The following EVC2 variants were observed in gnomAD, a reference collection of about 807,000 sequenced individuals.
EVC2 encodes the protein EvC ciliary complex subunit 2.
EVC2 carries 148 observed loss-of-function variants against 149.3 expected under a neutral mutation model. That is an observed-to-expected ratio of 0.99 (90% CI 0.87 to 1.14). The LOEUF is 1.14. EVC2 is among the 50% of genes most tolerant of loss of function. The probability of loss-of-function intolerance (pLI) is 0.00; values close to 1 mark genes in which losing one functional copy is unlikely to be tolerated. For missense variants in EVC2, 1,854 were observed against 1,627.3 expected, an observed-to-expected ratio of 1.14 and a Z score of -2.40; for synonymous variants, 776 against 649.9, an observed-to-expected ratio of 1.19 and a Z score of -2.95.
chr4:5,619,872 A>T (rs1715553412), intron 14 of EVC2, among the ~76,000 whole-genome samples: 1 of 152,168 alleles, frequency 6.6e-6, no homozygotes, highest in Non-Finnish European at 1.5e-5. Context: ...TTAGCTGTAG[A>T]TGTGTTTGAA....
At position 5,572,598 on chromosome 4, in the gene EVC2, A is replaced by G. The variant is rs111780651; in HGVS notation, c.3360+2087T>C. Among the ~76,000 whole-genome samples the G allele has an allele frequency of 7.6e-3, 1,161 of 152,334 alleles. 14 individuals are homozygous for G. The highest frequency in any genetic ancestry group is 0.026 in the African/African-American group (1,075 of 41,572). On this transcript the variant is annotated intron_variant, in intron 19 of 21. Transcript: ENST00000344408. ...CAGGTACCTTGATTTCGGACTTCCCAGCCTCCAGAATTATGAGAAAATTGA... is the reference window on the plus strand; with the variant it reads ...CAGGTACCTTGATTTCGGACTTCCCGGCCTCCAGAATTATGAGAAAATTGA...
intron 7 of EVC2, among the ~76,000 whole-genome samples, chr4:5,678,158 GCT>G (rs1720116498): frequency 6.6e-6 from 1 of 152,180 alleles, no homozygotes; most frequent in Non-Finnish European, 1.5e-5. Flanking sequence ...GGTAAGAGTG[GCT>G]CTCTGTTTTC....
the EVC2 span, among the ~76,000 whole-genome samples, chr4:5,532,817 G>A: frequency 6.6e-6 from 1 of 151,898 alleles, no homozygotes; most frequent in African/African-American, 2.4e-5. Flanking sequence ...CTTGTCTTGG[G>A]TGGGAAGCCA....
intron 3 of EVC2, among the ~76,000 whole-genome samples, chr4:5,693,250 G>A (rs1375619848): frequency 1.3e-5 from 2 of 152,192 alleles, no homozygotes; most frequent in Non-Finnish European, 2.9e-5. Flanking sequence ...GTTCAGAGAT[G>A]AACCCCAAAG....
chr4:5,663,329 G>C, intron 8 of EVC2, 83 bp from the exon 9 acceptor site: 7 of 1,593,684 alleles, frequency 4.4e-6, no homozygotes, highest in Non-Finnish European at 6.0e-6. Flanking sequence ...GGAAGGCCAG[G>C]GGTCTGCAGT....
At chr4:5,709,234 A>C (rs992928640), upstream of EVC2, 10 of 152,132 alleles carry the variant, frequency 6.6e-5, no homozygotes, top group African/African-American at 2.2e-4. Flanking sequence ...CTCCGAGGGG[A>C]CAGGGATTTG....
chr4:5,626,974 C>G (rs1225200955), intron 12 of EVC2, among the ~76,000 whole-genome samples: 1 of 152,186 alleles, frequency 6.6e-6, no homozygotes, highest in African/African-American at 2.4e-5. Flanking sequence ...TGGGATTTCT[C>G]AACCTCCATA....
chr4:5,548,740 A>G (rs560783156), intron 21 of EVC2, among the ~76,000 whole-genome samples: 11 of 152,192 alleles, frequency 7.2e-5, no homozygotes, highest in Non-Finnish European at 1.3e-4. Flanking sequence ...GTGATTTCAG[A>G]TATCATTTTT....
the EVC2 span, among the ~76,000 whole-genome samples, chr4:5,536,483 A>G: frequency 1.3e-5 from 2 of 152,210 alleles, no homozygotes; most frequent in African/African-American, 4.8e-5. Flanking sequence ...AATTTAAATC[A>G]CAATACATTA....
chr4:5,643,587 G>C (rs1717495022), intron 9 of EVC2, among the ~76,000 whole-genome samples: 1 of 152,186 alleles, frequency 6.6e-6, no homozygotes. Flanking sequence ...GAGGGCAGAG[G>C]TAGAGTGCGA....
chr4:5,688,683 G>A (rs1363615702), intron 5 of EVC2, among the ~76,000 whole-genome samples: 1 of 152,122 alleles, frequency 6.6e-6, no homozygotes, highest in Non-Finnish European at 1.5e-5. Flanking sequence ...GAACATGCTT[G>A]AACACCTGAA....
At position 5,640,445 on chromosome 4, in the gene EVC2, G is replaced by A. The variant is rs1473463275; in HGVS notation, c.1470+69C>T. 1.9e-6 allele frequency: 3 copies of A among 1,585,066 alleles called. No homozygotes were observed. Among genetic ancestry groups the A allele is most frequent in the South Asian group, 1.1e-5 (1 of 90,406 alleles). On this transcript the variant is annotated intron_variant, in intron 10 of 21. Coordinates refer to ENST00000344408, the MANE Select transcript of EVC2 (RefSeq NM_147127.5). The surrounding 1 kb of genome is among the most constrained non-coding windows in gnomAD (Gnocchi z 4.6). ...GAGGAGGCAAATGGACAGATGAGTG[G>A]GTAGATGGATAAATGACAAATCCCT...
chr4:5,619,249 G>T (rs1394622125), intron 14 of EVC2, among the ~76,000 whole-genome samples: 4 of 152,192 alleles, frequency 2.6e-5, no homozygotes, highest in African/African-American at 9.7e-5. Context: ...CCTAACCTGG[G>T]ACCTGTGAAT....
chr4:5,605,488 T>C (rs1714318934), intron 16 of EVC2, among the ~76,000 whole-genome samples: 1 of 152,054 alleles, frequency 6.6e-6, no homozygotes, highest in Non-Finnish European at 1.5e-5. Context: ...GATAGATAGA[T>C]GGATGGATGG....
chr4:5,706,703 C>T (rs1722223842), intron 1 of EVC2, among the ~76,000 whole-genome samples: 1 of 152,010 alleles, frequency 6.6e-6, no homozygotes, highest in Non-Finnish European at 1.5e-5. Flanking sequence ...GAGCTCTTTC[C>T]TGTACAGTGT....
chr4:5,540,832 T>C (rs995853460), downstream of EVC2, among the ~76,000 whole-genome samples: 10 of 152,192 alleles, frequency 6.6e-5, no homozygotes, highest in South Asian at 6.2e-4. Context: ...TATACCTCAA[T>C]ACAGTTTTTT....
At chr4:5,582,050 T>C (rs1419205666) in intron 17 of EVC2, among the ~76,000 whole-genome samples, 1 of 152,230 alleles carries the variant, frequency 6.6e-6, no homozygotes, top group East Asian at 1.9e-4. Context: ...AGAAGCCTTC[T>C]GCTGGGGCAG....
At chr4:5,701,777 G>T (rs1721844069) in intron 1 of EVC2, among the ~76,000 whole-genome samples, 1 of 152,142 alleles carries the variant, frequency 6.6e-6, no homozygotes, top group Non-Finnish European at 1.5e-5. Context: ...TTAACCAGTG[G>T]CATCTCCTTT....
chr4:5,597,281 C>T (rs1481819927), intron 16 of EVC2, among the ~76,000 whole-genome samples: 1 of 152,188 alleles, frequency 6.6e-6, no homozygotes, highest in East Asian at 1.9e-4. Flanking sequence ...GAATTTTAGA[C>T]CAATATCCTT....
Sources: allele counts gnomAD v4.1 joint callset (sites outside exome capture counted in the v4.1 genomes callset), GRCh38; gene constraint gnomAD v4.1.1; non-coding constraint Gnocchi (gnomAD v3.1); transcripts MANE v1.5; gene names NCBI Gene and HGNC (gene_info 2026-07-23, HGNC 2026-07-21).